AOAH: variants seen among roughly 807,000 people sequenced by gnomAD.
AOAH encodes acyloxyacyl hydrolase (neutrophil).
AOAH carries 64 observed loss-of-function variants against 92.2 expected under a neutral mutation model. The ratio of observed to expected loss-of-function variants is 0.69; its 90% CI spans 0.57 to 0.86. AOAH has a LOEUF of 0.86. Ranked by LOEUF, AOAH falls within the 40% of genes least tolerant of loss-of-function variation. The pLI is 0.00. For synonymous variants in AOAH, 263 were observed against 254.5 expected (o/e 1.03, Z -0.32); for missense variants, 656 against 694.6 (o/e 0.94, Z 0.62).
At chr7:36,523,077 C>A (rs1340213146) in intron 19 of AOAH, among the ~76,000 whole-genome samples, 1 of 152,166 alleles carries the variant, frequency 6.6e-6, no homozygotes, top group Non-Finnish European at 1.5e-5. Flanking sequence ...ATGGCATCCC[C>A]ACTTACTACT....
intron 11 of AOAH, among the ~76,000 whole-genome samples, chr7:36,615,859 A>T (rs1353005140): frequency 6.6e-6 from 1 of 150,988 alleles, no homozygotes; most frequent in Non-Finnish European, 1.5e-5. Context: ...CATTGTTTGC[A>T]ATTTTGCCTT....
rs1271434619 is a variant in AOAH at position 36,614,529 on chromosome 7, C to CCTGT, written c.846+1847_846+1850dup. On this transcript the variant is annotated intron_variant, in intron 11 of 20. Transcript: ENST00000617537. This position sits in a 1 kb window ranked among gnomAD's most constrained non-coding sequence, Gnocchi z 4.2. ...ACTGGAAACGGGGTCGACTCTGGAT[C>CCTGT]CTGTCTCCTGCCACCTCTCAAGATG... Among the ~76,000 whole-genome samples the CCTGT allele has an allele frequency of 6.6e-6, 1 of 152,172 alleles. No homozygotes were observed. The highest frequency in any genetic ancestry group is 1.5e-5 in the Non-Finnish European group (1 of 68,030).
At chr7:36,647,274 T>A (rs942197756) in intron 4 of AOAH, among the ~76,000 whole-genome samples, 1 of 152,200 alleles carries the variant, frequency 6.6e-6, no homozygotes, top group Non-Finnish European at 1.5e-5. Context: ...AGGGAAAACT[T>A]CTTAGAGGGA....
In AOAH at chr7:36,603,323, C is replaced by T. The variant is rs539508787; in HGVS notation, c.847-8893G>A. On this transcript the variant is annotated intron_variant, in intron 11 of 20. Transcript: ENST00000617537. ...GGTCCCCTGAACCTACCCCTATCCC[C>T]GCAGACCTCCAGGTCTCACCACAAG... Among the ~76,000 whole-genome samples the T allele has an allele frequency of 7.9e-5, 12 of 152,282 alleles. No individual in the cohort carries two copies. In the South Asian group the frequency reaches 8.3e-4, roughly 11 times the overall value.
chr7:36,675,341 A>G (rs1196155544), intron 2 of AOAH, among the ~76,000 whole-genome samples: 1 of 152,240 alleles, frequency 6.6e-6, no homozygotes, highest in Non-Finnish European at 1.5e-5. Flanking sequence ...AAGAAATAAA[A>G]AGGATTATAA....
intron 11 of AOAH, among the ~76,000 whole-genome samples, chr7:36,598,584 A>AG (rs1415315939): frequency 6.6e-6 from 1 of 152,250 alleles, no homozygotes; most frequent in Non-Finnish European, 1.5e-5. Context: ...CATCATGTTT[A>AG]GGGCAGACCA....
chr7:36,631,903 T>G (rs1583988540), intron 6 of AOAH, 133 bp downstream of exon 6: 16 of 690,980 alleles, frequency 2.3e-5, no homozygotes, highest in Non-Finnish European at 4.0e-5. Context: ...CTGTGCAATG[T>G]TTTGAGAAAG....
intron 11 of AOAH, among the ~76,000 whole-genome samples, chr7:36,612,975 T>C (rs1358779231): frequency 6.6e-6 from 1 of 152,226 alleles, no homozygotes; most frequent in Non-Finnish European, 1.5e-5. Flanking sequence ...TTTAATTTTG[T>C]GAATTTTTTT....
intron 4 of AOAH, 23 bp downstream of exon 4, chr7:36,659,143 G>A (rs764678620): frequency 1.1e-5 from 17 of 1,574,180 alleles, no homozygotes; most frequent in Non-Finnish European, 1.5e-5. Flanking sequence ...GGAAACAGAT[G>A]TTCAGAGTGA....
At chr7:36,589,698 C>T (rs776534180) in intron 12 of AOAH, among the ~76,000 whole-genome samples, 1 of 152,186 alleles carries the variant, frequency 6.6e-6, no homozygotes. Context: ...ACAGAATGAG[C>T]ACCCTTATAA....
In AOAH at chr7:36,559,884, T is replaced by G. The variant is rs563066479; in HGVS notation, c.1022-10409A>C. Reference sequence around the variant, plus strand: ...TACTTAAGGTCTTACATTTAATTCTTTAATCCATTTGAGTCAATTTTTGTA... The same window carrying G: ...TACTTAAGGTCTTACATTTAATTCTGTAATCCATTTGAGTCAATTTTTGTA... On this transcript the variant is annotated intron_variant, in intron 13 of 20. Coordinates refer to ENST00000617537, the MANE Select transcript of AOAH (RefSeq NM_001637.4). 4.6e-5 allele frequency among the ~76,000 whole-genome samples: 7 copies of G among 152,354 alleles called. No individual in the cohort carries two copies. In the East Asian group the frequency reaches 1.2e-3, roughly 25 times the overall value.
intron 3 of AOAH, among the ~76,000 whole-genome samples, chr7:36,671,413 A>G (rs1345246731): frequency 2.0e-5 from 3 of 152,200 alleles, no homozygotes; most frequent in Non-Finnish European, 2.9e-5. Context: ...AGATGCAAAG[A>G]TGAATAAAAT....
At chr7:36,628,954 T>A (rs983368644) in intron 6 of AOAH, among the ~76,000 whole-genome samples, 5 of 152,228 alleles carry the variant, frequency 3.3e-5, no homozygotes, top group Non-Finnish European at 7.3e-5. Flanking sequence ...CATTACCGGA[T>A]CTGTGACCTT....
At chr7:36,592,271 T>C (rs1011164692) in intron 12 of AOAH, among the ~76,000 whole-genome samples, 1 of 152,196 alleles carries the variant, frequency 6.6e-6, no homozygotes, top group Non-Finnish European at 1.5e-5. Flanking sequence ...TTCTCTCTTC[T>C]ATAAACCTGC....
At chr7:36,585,476 G>A (rs1267698479) in intron 12 of AOAH, among the ~76,000 whole-genome samples, 1 of 152,120 alleles carries the variant, frequency 6.6e-6, no homozygotes, top group Non-Finnish European at 1.5e-5. Flanking sequence ...AAACATTTGG[G>A]TCCAATAATT....
chr7:36,706,976 A>G (rs911092681), intron 1 of AOAH, among the ~76,000 whole-genome samples: 22 of 151,642 alleles, frequency 1.5e-4, no homozygotes, highest in African/African-American at 5.3e-4. Flanking sequence ...AGGCTGTTTC[A>G]CTTTCTTATT....
chr7:36,616,431 C>T lies in AOAH; in HGVS notation c.795G>A (p.Gly265=), dbSNP rs1347229604. 2 of 1,614,118 alleles carry T rather than the reference C, an allele frequency of 1.2e-6. No individual in the cohort carries two copies. The highest frequency in any genetic ancestry group is 2.7e-5 in the African/African-American group (2 of 75,034). The stretch of plus-strand genomic sequence containing the variant: ...ATTCAGGAGAGATGTGAAAATGAGC[C>T]CCAGCTGAGTCTCCCAGCAAAATGA... ...RGIILLGDSA[G]AHFHISPEWI... Residue 265 remains glycine (G), a synonymous_variant, in exon 11 of 21, where the codon GGG becomes GGA. Coordinates refer to ENST00000617537, the MANE Select transcript of AOAH (RefSeq NM_001637.4).
At chr7:36,678,539 G>GTAAGA in intron 2 of AOAH, among the ~76,000 whole-genome samples, 1 of 145,176 alleles carries the variant, frequency 6.9e-6, no homozygotes, top group East Asian at 2.1e-4. Context: ...CTTCTTTCTG[G>GTAAGA]TAAGATAAGC....
chr7:36,561,661 C>A (rs752501176), intron 13 of AOAH, among the ~76,000 whole-genome samples: 1 of 152,128 alleles, frequency 6.6e-6, no homozygotes, highest in Non-Finnish European at 1.5e-5. Flanking sequence ...ATGTTTAATT[C>A]TCATTCTTTT....
Sources: allele counts gnomAD v4.1 joint callset (sites outside exome capture counted in the v4.1 genomes callset), GRCh38; gene constraint gnomAD v4.1.1; non-coding constraint Gnocchi (gnomAD v3.1); transcripts MANE v1.5; gene names NCBI Gene and HGNC (gene_info 2026-07-23, HGNC 2026-07-21).